The following SRGAP1 variants were observed in gnomAD, a reference collection of about 807,000 sequenced individuals.
SRGAP1 encodes SLIT-ROBO Rho GTPase-activating protein 1.
Under a neutral mutation model 121.9 loss-of-function variants are expected in SRGAP1, and 43 were observed. The observed-to-expected ratio is 0.35, with a 90% CI of 0.28 to 0.46. The LOEUF (loss-of-function observed/expected upper bound fraction) is 0.46, where lower values mean the gene tolerates loss of function less well. Ranked by LOEUF, SRGAP1 falls within the 20% of genes least tolerant of loss-of-function variation. The pLI, the probability that SRGAP1 is intolerant of heterozygous loss-of-function variation, is 1.00. For synonymous variants in SRGAP1, 447 were observed against 485.4 expected (o/e 0.92, Z 1.04); for missense variants, 1,102 against 1,350.9 (o/e 0.82, Z 2.89).
chr12:64,094,528 A>G (rs2036117281), intron 12 of SRGAP1, among the ~76,000 whole-genome samples: 1 of 152,154 alleles, frequency 6.6e-6, no homozygotes, highest in Non-Finnish European at 1.5e-5. Flanking sequence ...CATCTAGGTG[A>G]TGCACTCTCA....
chr12:63,921,442 T>G (rs1301416602), intron 1 of SRGAP1, among the ~76,000 whole-genome samples: 3 of 152,202 alleles, frequency 2.0e-5, no homozygotes, highest in Non-Finnish European at 2.9e-5. Context: ...CTCTAGCTAT[T>G]TTCTTCTCTC....
chr12:64,047,933 TA>T (rs1193076580), intron 6 of SRGAP1, among the ~76,000 whole-genome samples: 1 of 152,170 alleles, frequency 6.6e-6, no homozygotes, highest in African/African-American at 2.4e-5. Context: ...CACATCAGGG[TA>T]AATGCGGTAT....
chr12:64,066,504 G>A (rs1165750651), intron 8 of SRGAP1, among the ~76,000 whole-genome samples: 2 of 152,108 alleles, frequency 1.3e-5, no homozygotes, highest in African/African-American at 4.8e-5. Context: ...AACTTACAGT[G>A]ATAAAGTGAA....
intron 1 of SRGAP1, among the ~76,000 whole-genome samples, chr12:63,962,833 G>C (rs2032681740): frequency 6.6e-6 from 1 of 152,202 alleles, no homozygotes; most frequent in Admixed American, 6.5e-5. Flanking sequence ...AATCCAAGTT[G>C]AATGTGCTGT....
rs990054097 is a variant in SRGAP1 at position 64,068,618 on chromosome 12, A to G, written c.1125+3399A>G. Among the ~76,000 whole-genome samples, 57 of 151,820 alleles carry G rather than the reference A, an allele frequency of 3.8e-4. 1 individual carries two copies. The highest frequency in any genetic ancestry group is 8.8e-5 in the Non-Finnish European group (6 of 67,960). On this transcript the variant is annotated intron_variant, in intron 8 of 21. Transcript: ENST00000355086. ...CCAAGATGCTGGGATTACAGGCGTG[A>G]GCCACCACTCCTGGCCTGAAAACTT...
At chr12:64,038,538 A>G (rs1255902441) in intron 4 of SRGAP1, 1 of 152,236 alleles carries the variant, frequency 6.6e-6, no homozygotes, top group Non-Finnish European at 1.5e-5. Context: ...TTTCAGATAT[A>G]TAGTGATTTC....
chr12:63,992,635 A>G (rs1438521139), intron 3 of SRGAP1, among the ~76,000 whole-genome samples: 1 of 145,200 alleles, frequency 6.9e-6, no homozygotes, highest in Non-Finnish European at 1.5e-5. Flanking sequence ...GCTCTTGAGG[A>G]ATGGCCTGGA....
rs944215842 is a variant in SRGAP1, at chr12:64,063,158, T to A, written c.1023+20T>A. The stretch of plus-strand genomic sequence containing the variant: ...GATGAGGTCAGTAATTGATCATTTT[T>A]AAAATAATGAATTGTCTCTTCACTT... On this transcript the variant is annotated intron_variant, in intron 7 of 21. Transcript: ENST00000355086. 8 of 1,573,728 alleles carry A rather than the reference T, an allele frequency of 5.1e-6. No homozygotes were observed. Among genetic ancestry groups the A allele is most frequent in the Admixed American group, 1.7e-5 (1 of 59,228 alleles).
chr12:64,054,516 G>A (rs990309), intron 6 of SRGAP1, among the ~76,000 whole-genome samples: 89,650 of 151,932 alleles, frequency 0.59, 26,839 homozygotes, highest in South Asian at 0.67. Context: ...TTTGTCCATG[G>A]AAACCTGTCC....
chr12:63,929,891 A>C (rs928297851), intron 1 of SRGAP1, among the ~76,000 whole-genome samples: 13 of 152,202 alleles, frequency 8.5e-5, no homozygotes, highest in African/African-American at 2.9e-4. Context: ...AAGGGTATGA[A>C]CAGACACTTC....
At position 64,158,526 on chromosome 12, in the gene SRGAP1, C is replaced by T. The variant is rs980687741; in HGVS notation, c.*15854C>T. 10 of 152,170 alleles carry T rather than the reference C, an allele frequency of 6.6e-5. No homozygotes were observed. The highest frequency in any genetic ancestry group is 1.5e-4 in the Non-Finnish European group (10 of 68,036). The allele number at this position is 152,170 out of a possible 1,614,324, so 9.4% of individuals were successfully genotyped here. A position where few individuals can be genotyped will look rare whatever the true frequency, so the allele number is the denominator to read the frequency against. On this transcript the variant is annotated 3_prime_UTR_variant, in exon 22 of 22. Transcript: ENST00000355086. ...TTATGCTTTGATAAAAATGTAACTT[C>T]ATTTAAGTCTAGTAAATAATTAGGA...
At chr12:63,879,760 T>G (rs1900134173) in intron 1 of SRGAP1, among the ~76,000 whole-genome samples, 1 of 152,318 alleles carries the variant, frequency 6.6e-6, no homozygotes, top group East Asian at 1.9e-4. Flanking sequence ...ACCTCAAAAG[T>G]AGTTACCAAC....
intron 1 of SRGAP1, among the ~76,000 whole-genome samples, chr12:63,866,513 A>C (rs1480191562): frequency 1.3e-5 from 2 of 152,248 alleles, no homozygotes; most frequent in Non-Finnish European, 2.9e-5. Context: ...ATATGCATTA[A>C]AATGATGTAT....
intron 18 of SRGAP1, among the ~76,000 whole-genome samples, chr12:64,124,981 TG>T (rs2036665004): frequency 3.9e-5 from 6 of 152,188 alleles, no homozygotes; most frequent in African/African-American, 1.4e-4. Context: ...CTCCTTTGTG[TG>T]TGTGTTTACT....
intron 10 of SRGAP1, chr12:64,081,311 A>C (rs927810241): frequency 6.6e-6 from 1 of 152,156 alleles, no homozygotes; most frequent in African/African-American, 2.4e-5. Flanking sequence ...GCCTCCCACA[A>C]TTCTGGAACC....
intron 1 of SRGAP1, among the ~76,000 whole-genome samples, chr12:63,854,274 T>C (rs1485217540): frequency 1.3e-5 from 2 of 152,178 alleles, no homozygotes; most frequent in African/African-American, 4.8e-5. Context: ...TAGTTTTGAT[T>C]AGGATGCATT....
intron 1 of SRGAP1, among the ~76,000 whole-genome samples, chr12:63,977,361 A>G (rs1012521956): frequency 2.0e-5 from 3 of 152,224 alleles, no homozygotes; most frequent in Admixed American, 2.0e-4. Flanking sequence ...ATGTGAAATA[A>G]CAGAGATGAT....
At chr12:64,013,992 A>T (rs2136460121) in intron 3 of SRGAP1, among the ~76,000 whole-genome samples, 1 of 152,316 alleles carries the variant, frequency 6.6e-6, no homozygotes, top group South Asian at 2.1e-4. Flanking sequence ...TGGCCTTTTC[A>T]CTCAAGGGAG....
chr12:64,032,607 A>G (rs912625104), intron 4 of SRGAP1: 15 of 529,614 alleles, frequency 2.8e-5, no homozygotes, highest in African/African-American at 2.5e-4. Flanking sequence ...ACAGCTGACA[A>G]CAAGCCCCCA....
Sources: allele counts gnomAD v4.1 joint callset (sites outside exome capture counted in the v4.1 genomes callset), GRCh38; gene constraint gnomAD v4.1.1; transcripts MANE v1.5; gene names NCBI Gene and HGNC (gene_info 2026-07-23, HGNC 2026-07-21).